Variants in SCOC observed in about 807,000 individuals in gnomAD.
SCOC encodes the protein short coiled-coil protein, also known as short coiled coil protein.
SCOC carries 7 observed loss-of-function variants against 9.9 expected under a neutral mutation model. The ratio of observed to expected loss-of-function variants is 0.71; its 90% CI spans 0.40 to 1.33. The LOEUF is 1.33. SCOC is among the 40% of genes most tolerant of loss of function. The pLI is 0.01. For synonymous variants in SCOC, 19 were observed against 28.2 expected (o/e 0.67, Z 1.03); for missense variants, 66 against 89.7 (o/e 0.74, Z 1.07).
intron 1 of SCOC, among the ~76,000 whole-genome samples, chr4:140,276,186 T>C (rs184602345): frequency 2.7e-3 from 415 of 152,234 alleles, no homozygotes; most frequent in Non-Finnish European, 5.3e-3. Flanking sequence ...GTATTTTTAG[T>C]AGAGATGGGG....
intron 1 of SCOC, among the ~76,000 whole-genome samples, chr4:140,258,724 T>TGAAATGC (rs1730565446): frequency 6.6e-6 from 1 of 152,238 alleles, no homozygotes; most frequent in Non-Finnish European, 1.5e-5. Context: ...AGTTGTTGAG[T>TGAAATGC]AAGCCCCAAG....
intron 1 of SCOC, among the ~76,000 whole-genome samples, chr4:140,297,653 CAAGGAAT>C (rs1560689188): frequency 6.6e-6 from 1 of 152,046 alleles, no homozygotes. Flanking sequence ...ATTAATACAT[CAAGGAAT>C]AAGTGACTAA....
chr4:140,333,522 G>A (rs528750126), intron 1 of SCOC, among the ~76,000 whole-genome samples: 1 of 152,188 alleles, frequency 6.6e-6, no homozygotes, highest in East Asian at 1.9e-4. Flanking sequence ...TCAGTGCCTG[G>A]AACAATGCCT....
chr4:140,373,211 C>A, upstream of SCOC: 1 of 1,046,240 alleles, frequency 9.6e-7, no homozygotes, highest in Non-Finnish European at 1.2e-6. Flanking sequence ...CTGCTTGGTT[C>A]GCAAACGCTC....
intron 1 of SCOC, among the ~76,000 whole-genome samples, chr4:140,292,116 T>A (rs1731492150): frequency 6.6e-6 from 1 of 152,006 alleles, no homozygotes; most frequent in Non-Finnish European, 1.5e-5. Flanking sequence ...TGACCATCTC[T>A]GTTGCCCCCC....
At chr4:140,343,568 G>A (rs1214623869) in intron 1 of SCOC, 4 of 1,124,006 alleles carry the variant, frequency 3.6e-6, no homozygotes, top group East Asian at 2.4e-5. Context: ...TAACAAGGGC[G>A]GTCACATGGG....
intron 1 of SCOC, among the ~76,000 whole-genome samples, chr4:140,267,432 C>G (rs2126396196): frequency 6.6e-6 from 1 of 152,270 alleles, no homozygotes; most frequent in South Asian, 2.1e-4. Flanking sequence ...GGGTTACTGG[C>G]AGTGCACATT....
At chr4:140,340,388 CAT>C (rs763483070), upstream of SCOC, among the ~76,000 whole-genome samples, 14 of 151,658 alleles carry the variant, frequency 9.2e-5, 1 homozygote, top group South Asian at 2.5e-3. Flanking sequence ...CAACATGGCA[CAT>C]GTTATATACA....
intron 1 of SCOC, among the ~76,000 whole-genome samples, chr4:140,282,408 G>T (rs779708121): frequency 1.3e-5 from 2 of 152,124 alleles, no homozygotes; most frequent in Non-Finnish European, 2.9e-5. Context: ...AAGCCTATGT[G>T]GCAGGATAAT....
intron 1 of SCOC, chr4:140,283,884 G>A (rs1006847393): frequency 6.6e-6 from 1 of 152,120 alleles, no homozygotes; most frequent in Admixed American, 6.5e-5. Flanking sequence ...AGCAAGTCTG[G>A]GCACAAAATG....
At chr4:140,342,141 C>T (rs1726539770), upstream of SCOC, among the ~76,000 whole-genome samples, 1 of 152,172 alleles carries the variant, frequency 6.6e-6, no homozygotes. Flanking sequence ...ATATCTCCCA[C>T]CTCTTATTTA....
intron 1 of SCOC, among the ~76,000 whole-genome samples, chr4:140,289,459 G>A (rs975096000): frequency 1.3e-5 from 2 of 152,170 alleles, no homozygotes; most frequent in Non-Finnish European, 2.9e-5. Context: ...TGTGAAGTGG[G>A]TCTCCTGTTG....
chr4:140,362,276 TA>T (rs745491678), intron 2 of SCOC, among the ~76,000 whole-genome samples: 13,236 of 34,730 alleles, frequency 0.38, 3,472 homozygotes, highest in Middle Eastern at 0.46. Flanking sequence ...GGTGTGTCCT[TA>T]CTTCTTCTTC....
chr4:140,375,830 C>T (rs1463862366), intron 1 of SCOC, among the ~76,000 whole-genome samples: 1 of 152,186 alleles, frequency 6.6e-6, no homozygotes, highest in Non-Finnish European at 1.5e-5. Flanking sequence ...CCTAGCCATA[C>T]ATCAGAGCTG....
At chr4:140,358,297 T>C (rs539671558) in intron 2 of SCOC, among the ~76,000 whole-genome samples, 1 of 152,262 alleles carries the variant, frequency 6.6e-6, no homozygotes, top group African/African-American at 2.4e-5. Context: ...TCATTGCTGC[T>C]AAGTCCATTA....
At chr4:140,282,286 T>C (rs1731118484) in intron 1 of SCOC, among the ~76,000 whole-genome samples, 1 of 152,208 alleles carries the variant, frequency 6.6e-6, no homozygotes, top group Non-Finnish European at 1.5e-5. Context: ...CAAAGACAAA[T>C]GGCCTTCTAT....
upstream of SCOC, among the ~76,000 whole-genome samples, chr4:140,341,134 A>C (rs781081131): frequency 2.0e-4 from 31 of 152,200 alleles, no homozygotes; most frequent in Admixed American, 7.2e-4. Flanking sequence ...TAGACATTTC[A>C]TAAGAAATAT....
At chr4:140,375,091 T>C (rs531629144) in intron 1 of SCOC, among the ~76,000 whole-genome samples, 1 of 152,302 alleles carries the variant, frequency 6.6e-6, no homozygotes, top group African/African-American at 2.4e-5. Context: ...GTGACAATAG[T>C]TGTGGTGGAA....
At position 140,380,909 on chromosome 4, in the gene SCOC, T is replaced by C. The variant is rs1268528658; in HGVS notation, c.107-53T>C. 3 of 1,292,420 alleles carry C rather than the reference T, an allele frequency of 2.3e-6. No homozygotes were observed. The African/African-American group carries it at 4.6e-5, about 20-fold the overall frequency. 80.1% of individuals were successfully genotyped at this position (1,292,420 alleles called of 1,614,324 possible). On this transcript the variant is annotated intron_variant, in intron 3 of 3. Coordinates refer to ENST00000608372, the MANE Select transcript of SCOC (RefSeq NM_001153484.2). ...AATGAATCCTAAGAATTTTGTAATATGGAATCATTGTCATTGTTTTATTGA... is the reference window on the plus strand; with the variant it reads ...AATGAATCCTAAGAATTTTGTAATACGGAATCATTGTCATTGTTTTATTGA...
Sources: gnomAD v4.1 joint callset for allele counts (sites outside exome capture counted in the v4.1 genomes callset) on GRCh38, gnomAD v4.1.1 for gene constraint, MANE v1.5 for transcripts, NCBI Gene and HGNC (gene_info 2026-07-23, HGNC 2026-07-21) for gene names.